The following MINK1 variants were observed in gnomAD, a reference collection of about 807,000 sequenced individuals.
MINK1 encodes the protein misshapen-like kinase 1.
Under a neutral mutation model 178.4 loss-of-function variants are expected in MINK1, and 46 were observed. The ratio of observed to expected loss-of-function variants is 0.26; its 90% CI spans 0.20 to 0.33. The LOEUF is 0.33. Among genes scored for constraint, MINK1 ranks in the 10% least tolerant of loss-of-function variants. MINK1 has a pLI of 1.00. For synonymous variants in MINK1, 797 were observed against 709.7 expected, an observed-to-expected ratio of 1.12 and a Z score of -1.96; for missense variants, 1,366 against 1,814.9, an observed-to-expected ratio of 0.75 and a Z score of 4.49.
chr17:4,853,576 T>A (rs1434773765), intron 1 of MINK1, among the ~76,000 whole-genome samples: 7 of 152,014 alleles, frequency 4.6e-5, no homozygotes, highest in Admixed American at 4.6e-4. Flanking sequence ...GAGCCCTGGC[T>A]TTCTCATCTG....
intron 1 of MINK1, among the ~76,000 whole-genome samples, chr17:4,861,479 C>A (rs1914159766): frequency 1.3e-5 from 2 of 152,018 alleles, no homozygotes; most frequent in African/African-American, 4.8e-5. Context: ...TCTTCTTGAG[C>A]CTCTCCATCA....
chr17:4,852,721 G>A, intron 1 of MINK1, among the ~76,000 whole-genome samples: 1 of 104,870 alleles, frequency 9.5e-6, no homozygotes, highest in Non-Finnish European at 2.0e-5. Context: ...GAACCTGTTT[G>A]GCCCACAGAG....
At position 4,891,136 on chromosome 17, in the gene MINK1, C is replaced by A. The variant is rs1476708005; in HGVS notation, c.1740+12C>A. The A allele has an allele frequency of 1.4e-5, 21 of 1,501,612 alleles. No homozygotes were observed. Among genetic ancestry groups the A allele is most frequent in the Non-Finnish European group, 1.8e-5 (20 of 1,126,086 alleles). The allele number at this position is 1,501,612 out of a possible 1,614,324, so 93.0% of individuals were successfully genotyped here. A position where few individuals can be genotyped will look rare whatever the true frequency, so the allele number is the denominator to read the frequency against. ...AGGGACCGCACAAGGTGAGTCTCTC[C>A]CCACCCCTGTCTTAATGAAGACACA... On this transcript the variant is annotated intron_variant, in intron 15 of 31. Transcript: ENST00000355280.
intron 1 of MINK1, among the ~76,000 whole-genome samples, chr17:4,839,029 C>T (rs1413028572): frequency 6.6e-6 from 1 of 152,072 alleles, no homozygotes; most frequent in Non-Finnish European, 1.5e-5. Context: ...CTGCAAGCTC[C>T]ACCTCCCAGG....
In MINK1 at chr17:4,893,447, T is replaced by C. The variant is rs753708013; in HGVS notation, c.2414T>C (p.Leu805Pro). 2 of 1,594,340 alleles carry C rather than the reference T, an allele frequency of 1.3e-6. No homozygotes were observed. The highest frequency in any genetic ancestry group is 1.7e-5 in the Admixed American group (1 of 59,292). ...TCCTCCCTGCAGGACTTTGTGTTGC[T>C]GAAAGAGCGGACTCTGGACGAGGCC... Reference protein sequence around the residue: ...RPGRPADFVLLKERTLDEAPR... With the variant: ...RPGRPADFVLPKERTLDEAPR... The change falls in exon 21 of 32, where the codon CTG becomes CCG. Residue 805 changes from leucine to proline, a missense_variant. Around this residue, in one of 14 missense-constraint regions of MINK1, gnomAD observed 709 missense variants for 692.3 expected, o/e 1.02. Transcript: ENST00000355280.
chr17:4,892,587 C>T, intron 18 of MINK1, 69 bp from the exon 19 acceptor site: 1 of 1,532,330 alleles, frequency 6.5e-7, no homozygotes, highest in Admixed American at 1.8e-5. Context: ...GCTCCCTCTG[C>T]AGTGCAGCTC....
chr17:4,847,844 C>T (rs1911275403), intron 1 of MINK1, among the ~76,000 whole-genome samples: 1 of 151,856 alleles, frequency 6.6e-6, no homozygotes, highest in Non-Finnish European at 1.5e-5. Flanking sequence ...GGGTATGGAG[C>T]CCAGCATCCA....
chr17:4,892,436 C>T lies in MINK1; in HGVS notation c.2122C>T (p.Gln708Ter). Residue 708 changes from glutamine to a stop codon, truncating the protein, a stop_gained, in exon 18 of 32, where the codon CAA (glutamine) becomes TAA (stop). Coordinates refer to ENST00000355280, the MANE Select transcript of MINK1 (RefSeq NM_153827.5). LOFTEE classifies it high-confidence loss of function. ...RSNSAWQIYL[Q>*]RRAERGTPKP... The stretch of plus-strand genomic sequence containing the variant: ...CAACTCCGCCTGGCAAATCTATCTG[C>T]AAAGGCGGGCAGAGCGGGGCACCCC... 2 of 1,563,716 alleles carry T rather than the reference C, an allele frequency of 1.3e-6. No individual in the cohort carries two copies. The highest frequency in any genetic ancestry group is 1.7e-6 in the Non-Finnish European group (2 of 1,155,280).
intron 13 of MINK1, 152 bp downstream of exon 13, chr17:4,889,915 C>T (rs1201645980): frequency 1.6e-6 from 1 of 641,544 alleles, no homozygotes; most frequent in African/African-American, 1.9e-5. Context: ...TTCTCCCACC[C>T]TTCAACCCCA....
chr17:4,861,654 C>T, intron 1 of MINK1: 1 of 315,786 alleles, frequency 3.2e-6, no homozygotes, highest in Non-Finnish European at 6.5e-6. Flanking sequence ...GCACGTGCCA[C>T]CACACCCAGA....
intron 1 of MINK1, among the ~76,000 whole-genome samples, chr17:4,852,334 T>G (rs1271235739): frequency 6.6e-6 from 1 of 152,152 alleles, no homozygotes; most frequent in Non-Finnish European, 1.5e-5. Flanking sequence ...CTCCAAGAAC[T>G]TAGTCTAGCA....
intron 1 of MINK1, among the ~76,000 whole-genome samples, chr17:4,876,978 G>C (rs1421836554): frequency 6.6e-6 from 1 of 152,028 alleles, no homozygotes; most frequent in African/African-American, 2.4e-5. Flanking sequence ...GGTCCCAGCT[G>C]TTCAGGAGGC....
At chr17:4,889,097 GGGTTTGT>G (rs1329994112) in intron 12 of MINK1, among the ~76,000 whole-genome samples, 1 of 152,134 alleles carries the variant, frequency 6.6e-6, no homozygotes, top group African/African-American at 2.4e-5. Flanking sequence ...GGGTCCCTCA[GGGTTTGT>G]GCTTTTGTTG....
Position 4,880,973 on chromosome 17 carries a change from C to G in MINK1, c.124-11C>G. The G allele has an allele frequency of 2.7e-6, 4 of 1,493,832 alleles. No individual in the cohort carries two copies. Among genetic ancestry groups the G allele is most frequent in the Non-Finnish European group, 3.6e-6 (4 of 1,125,386 alleles). The allele number at this position is 1,493,832 out of a possible 1,614,324, so 92.5% of individuals were successfully genotyped here. A position where few individuals can be genotyped will look rare whatever the true frequency, so the allele number is the denominator to read the frequency against. Reference sequence around the variant, plus strand: ...CCTCTGAGCATAGACTCAGATCCCTCTGTCCCGCAGGGTCGGCATGTCAAG... The same window carrying G: ...CCTCTGAGCATAGACTCAGATCCCTGTGTCCCGCAGGGTCGGCATGTCAAG... On this transcript the variant is annotated splice_polypyrimidine_tract_variant and intron_variant, in intron 2 of 31. Coordinates refer to ENST00000355280, the MANE Select transcript of MINK1 (RefSeq NM_153827.5).
intron 15 of MINK1, 98 bp downstream of exon 15, chr17:4,891,222 A>ACACG: frequency 9.8e-7 from 1 of 1,018,942 alleles, no homozygotes; most frequent in Non-Finnish European, 1.4e-6. Flanking sequence ...ACACACACAC[A>ACACG]CACCTGCTCA....
chr17:4,874,106 A>G (rs1250338640), intron 1 of MINK1, among the ~76,000 whole-genome samples: 1 of 152,178 alleles, frequency 6.6e-6, no homozygotes, highest in Non-Finnish European at 1.5e-5. Flanking sequence ...GCTGTTTATG[A>G]TATATAATCG....
chr17:4,842,006 G>A (rs1910300472), intron 1 of MINK1, among the ~76,000 whole-genome samples: 1 of 152,094 alleles, frequency 6.6e-6, no homozygotes, highest in South Asian at 2.1e-4. Context: ...CGGATCACGA[G>A]GTCAGGAGAT....
At position 4,896,440 on chromosome 17, in the gene MINK1, G is replaced by A; in HGVS notation, c.3627G>A (p.Gln1209=). 1 of 1,613,884 alleles carries A rather than the reference G, an allele frequency of 6.2e-7. No individual in the cohort carries two copies. Among genetic ancestry groups the A allele is most frequent in the South Asian group, 1.1e-5 (1 of 91,078 alleles). ...DIYIPVHIQS[Q]ITPHAIIFLP... is the part of the protein sequence containing the mutation. Reference sequence around the variant, plus strand: ...CTCCTTCTCCCCAGATCCAGAGCCAGATCACGCCCCATGCCATCATCTTCC... The same window carrying A: ...CTCCTTCTCCCCAGATCCAGAGCCAAATCACGCCCCATGCCATCATCTTCC... The change falls in exon 30 of 32, where the codon CAG becomes CAA. Residue 1209 remains glutamine, a synonymous_variant. Transcript: ENST00000355280. The surrounding 1 kb of genome is among the most constrained non-coding windows in gnomAD (Gnocchi z 4.6).
At chr17:4,862,264 C>T (rs1422619084) in intron 1 of MINK1, among the ~76,000 whole-genome samples, 1 of 152,168 alleles carries the variant, frequency 6.6e-6, no homozygotes, top group Non-Finnish European at 1.5e-5. Context: ...GCTGTTTGAC[C>T]TTGGCAAGTT....
Sources: gnomAD v4.1 joint callset for allele counts (sites outside exome capture counted in the v4.1 genomes callset) on GRCh38, gnomAD v4.1.1 for gene constraint, gnomAD v4.1.1 regional missense constraint, Gnocchi (gnomAD v3.1) non-coding constraint, MANE v1.5 for transcripts, NCBI Gene and HGNC (gene_info 2026-07-23, HGNC 2026-07-21) for gene names.